SEMA6C: variants seen among roughly 807,000 people sequenced by gnomAD.
The protein encoded by SEMA6C is semaphorin-6C.
In SEMA6C, 37 loss-of-function variants were observed where a neutral mutation model predicts 72.9. The ratio of observed to expected loss-of-function variants is 0.51; its 90% confidence interval spans 0.39 to 0.67. The LOEUF is 0.67. Among genes scored for constraint, SEMA6C ranks in the 30% least tolerant of loss-of-function variants. The pLI is 0.00. For missense variants in SEMA6C, 1,189 were observed against 1,263.6 expected (o/e 0.94, Z 0.89); for synonymous variants, 578 against 554.1 (o/e 1.04, Z -0.61).
Position 151,142,586 on chromosome 1 carries a change from T to C in SEMA6C, c.36A>G (p.Leu12=). 6.2e-7 allele frequency: 1 copy of C among 1,604,484 alleles called. No homozygotes were observed. Among genetic ancestry groups the C allele is most frequent in the Non-Finnish European group, 8.5e-7 (1 of 1,175,118 alleles). Residue 12 remains leucine, a synonymous_variant, in exon 3 of 19, where the codon CTA becomes CTG. Transcript: ENST00000368914. ...GGGGAAGTGAGAGCAGCAGCAGCAG[T>C]AGCAGCAAGGGCATGAAGTGGGGGG... ...PRAPHFMPLL[L]LLLLLSLPHT...
rs751131533 is a variant in SEMA6C at position 151,133,498 on chromosome 1, G to A, written c.1779C>T (p.Pro593=). 31 of 1,528,106 alleles carry A rather than the reference G, an allele frequency of 2.0e-5. No individual in the cohort carries two copies. Among genetic ancestry groups the A allele is most frequent in the Non-Finnish European group, 2.6e-5 (30 of 1,141,134 alleles). 94.7% of individuals were successfully genotyped at this position (1,528,106 alleles called of 1,614,324 possible). A position where few individuals can be genotyped will look rare whatever the true frequency, so the allele number is the denominator to read the frequency against. Residue 593 remains proline, a synonymous_variant, in exon 19 of 19, where the codon CCC becomes CCT. Transcript: ENST00000368914. This position sits in a 1 kb window ranked among gnomAD's most constrained non-coding sequence, Gnocchi z 5.9. ...GGACGGAGCGGGAGGCCGAGGCTGG[G>A]GGCAGGTCCCGGCGCACGCCTGCCG... is the stretch of plus-strand genomic sequence containing the variant. The part of the protein sequence containing the change: ...DSAYGVRRDL[P]PASASRSVPI...
chr1:151,132,445 T>G lies in SEMA6C; in HGVS notation c.*39A>C, dbSNP rs1451708871. On this transcript the variant is annotated 3_prime_UTR_variant, in exon 19 of 19. Coordinates refer to ENST00000368914, the MANE Select transcript of SEMA6C (RefSeq NM_030913.6). ...GCGTCCAGCTCGTGGCCGAGAGGAC[T>G]CGGGCGCTCCCCACGCTGGAGGCCG... The G allele has an allele frequency of 6.5e-7, 1 of 1,534,500 alleles. No homozygotes were observed. Among genetic ancestry groups the G allele is most frequent in the Non-Finnish European group, 8.8e-7 (1 of 1,138,176 alleles).
chr1:151,131,895 C>T lies in SEMA6C; in HGVS notation c.*589G>A, dbSNP rs149084026. ...CTCACCTCGACACCGTTAATTCGCTCGTCTCCTTTAGGAAACCTTTCCAGA... is the reference window on the plus strand; with the variant it reads ...CTCACCTCGACACCGTTAATTCGCTTGTCTCCTTTAGGAAACCTTTCCAGA... On this transcript the variant is annotated 3_prime_UTR_variant, in exon 19 of 19. Coordinates refer to ENST00000368914, the MANE Select transcript of SEMA6C (RefSeq NM_030913.6). 2.7e-3 allele frequency: 516 copies of T among 193,506 alleles called. No homozygotes were observed. Among genetic ancestry groups the T allele is most frequent in the Non-Finnish European group, 4.2e-3 (384 of 91,452 alleles). 12.0% of individuals were successfully genotyped at this position (193,506 alleles called of 1,614,324 possible). A position where few individuals can be genotyped will look rare whatever the true frequency, so the allele number is the denominator to read the frequency against.
chr1:151,138,753 G>A (rs757041136), intron 6 of SEMA6C, 22 bp from the exon 7 acceptor site: 290 of 1,576,380 alleles, frequency 1.8e-4, no homozygotes, highest in Non-Finnish European at 2.5e-4. Context: ...AAAATTCTAG[G>A]TCAGTGACAG....
intron 4 of SEMA6C, 38 bp downstream of exon 4, chr1:151,139,938 T>G (rs368162497): frequency 3.2e-6 from 5 of 1,586,880 alleles, no homozygotes; most frequent in East Asian, 2.2e-5. Flanking sequence ...CCCAGGAGCA[T>G]GCATGTCTGC....
Position 151,137,701 on chromosome 1 carries a change from A to G in SEMA6C, c.756+10T>C. On this transcript the variant is annotated intron_variant, in intron 10 of 18. Coordinates refer to ENST00000368914, the MANE Select transcript of SEMA6C (RefSeq NM_030913.6). ...CCTCCAGCTACCCACCCTGATGCCC[A>G]CCTCCTTACCCTCCCCAGCCGAGCA... 7 of 1,606,322 alleles carry G rather than the reference A, an allele frequency of 4.4e-6. No homozygotes were observed. The highest frequency in any genetic ancestry group is 6.0e-6 in the Non-Finnish European group (7 of 1,174,558).
In SEMA6C at chr1:151,142,608, G is replaced by C; in HGVS notation, c.14C>G (p.Pro5Arg). The C allele has an allele frequency of 1.9e-6, 3 of 1,586,094 alleles. No individual in the cohort carries two copies. Among genetic ancestry groups the C allele is most frequent in the Non-Finnish European group, 1.7e-6 (2 of 1,166,504 alleles). The change falls in exon 3 of 19, where the codon CCC becomes CGC. Residue 5 changes from proline (P) to arginine (R), a missense_variant. Coordinates refer to ENST00000368914, the MANE Select transcript of SEMA6C (RefSeq NM_030913.6). MPRA[P>R]HFMPLLLLLL... ...CAGTAGCAGCAAGGGCATGAAGTGG[G>C]GGGCACGGGGCATCCTGTGCGGGGC...
Position 151,146,045 on chromosome 1 carries a change from G to A in SEMA6C, c.-105+388C>T, listed in dbSNP as rs1682909033. On this transcript the variant is annotated intron_variant, in intron 1 of 18. Coordinates refer to ENST00000368914, the MANE Select transcript of SEMA6C (RefSeq NM_030913.6). This position sits in a 1 kb window ranked among gnomAD's most constrained non-coding sequence, Gnocchi z 4.6. ...TGCGTCCCTCTTCCCATCCCTTCAGGGGCGTCAGGAGGGTCTAGTTCTCCG... is the reference window on the plus strand; with the variant it reads ...TGCGTCCCTCTTCCCATCCCTTCAGAGGCGTCAGGAGGGTCTAGTTCTCCG... 6.6e-6 allele frequency: 1 copy of A among 152,190 alleles called. No homozygotes were observed. Among genetic ancestry groups the A allele is most frequent in the African/African-American group, 2.4e-5 (1 of 41,430 alleles). The allele number at this position is 152,190 out of a possible 1,614,324, so 9.4% of individuals were successfully genotyped here. A position where few individuals can be genotyped will look rare whatever the true frequency, so the allele number is the denominator to read the frequency against.
chr1:151,142,628 C>CGG lies in SEMA6C; in HGVS notation c.-9_-8dup. 1 of 1,548,442 alleles carries CGG rather than the reference C, an allele frequency of 6.5e-7. No individual in the cohort carries two copies. Among genetic ancestry groups the CGG allele is most frequent in the Non-Finnish European group, 8.7e-7 (1 of 1,150,688 alleles). On this transcript the variant is annotated 5_prime_UTR_variant, in exon 3 of 19. Transcript: ENST00000368914. ...AGTGGGGGGCACGGGGCATCCTGTG[C>CGG]GGGGCAGCTCAGGCCCCAGGGGGTG... is the stretch of plus-strand genomic sequence containing the variant.
At chr1:151,140,224 A>G (rs1046119658) in intron 3 of SEMA6C, 134 bp from the exon 4 acceptor site, 12 of 695,796 alleles carry the variant, frequency 1.7e-5, no homozygotes, top group African/African-American at 7.0e-5. Context: ...CTTAATACCA[A>G]TAACACTGAG....
At chr1:151,139,041 C>G (rs1330264864) in intron 6 of SEMA6C, among the ~76,000 whole-genome samples, 1 of 143,252 alleles carries the variant, frequency 7.0e-6, no homozygotes, top group Non-Finnish European at 1.5e-5. Flanking sequence ...TGCAGTGAGC[C>G]AAGATCGTGC....
At position 151,133,623 on chromosome 1, in the gene SEMA6C, C is replaced by A; in HGVS notation, c.1760-106G>T. 7.0e-7 allele frequency: 1 copy of A among 1,428,316 alleles called. No individual in the cohort carries two copies. Among genetic ancestry groups the A allele is most frequent in the Non-Finnish European group, 9.1e-7 (1 of 1,093,926 alleles). 88.5% of individuals were successfully genotyped at this position (1,428,316 alleles called of 1,614,324 possible). On this transcript the variant is annotated intron_variant, in intron 18 of 18. Coordinates refer to ENST00000368914, the MANE Select transcript of SEMA6C (RefSeq NM_030913.6). The surrounding 1 kb of genome is among the most constrained non-coding windows in gnomAD (Gnocchi z 5.9). ...CCAGGCCTGACATCATCGTCCCTCC[C>A]GCTGCTACTCAGCCTCACTCCTACA...
In SEMA6C at chr1:151,133,824, G is replaced by C; in HGVS notation, c.1760-307C>G. 2 of 912,118 alleles carry C rather than the reference G, an allele frequency of 2.2e-6. No individual in the cohort carries two copies. Among genetic ancestry groups the C allele is most frequent in the Non-Finnish European group, 3.3e-6 (2 of 600,848 alleles). The allele number at this position is 912,118 out of a possible 1,614,324, so 56.5% of individuals were successfully genotyped here. On this transcript the variant is annotated intron_variant, in intron 18 of 18. Transcript: ENST00000368914. This position sits in a 1 kb window ranked among gnomAD's most constrained non-coding sequence, Gnocchi z 5.9. The stretch of plus-strand genomic sequence containing the variant: ...CTCGTGCAGGAGAACTCGGGGCTGG[G>C]ATGCCCAATTCTGGGGAAGGGAGGC...
chr1:151,135,793 C>T (rs1681971331), intron 13 of SEMA6C, 29 bp from the exon 14 acceptor site: 4 of 1,610,280 alleles, frequency 2.5e-6, no homozygotes, highest in Non-Finnish European at 3.4e-6. Context: ...GGTCAGGGAA[C>T]CTGTCTAGTG....
rs587609244 is a variant in SEMA6C at position 151,139,370 on chromosome 1, G to C, written c.354+55C>G. 4.8e-6 allele frequency: 7 copies of C among 1,468,618 alleles called. No homozygotes were observed. The African/African-American group carries it at 8.3e-5, about 17-fold the overall frequency. The allele number at this position is 1,468,618 out of a possible 1,614,324, so 91.0% of individuals were successfully genotyped here. On this transcript the variant is annotated intron_variant, in intron 6 of 18. Transcript: ENST00000368914. The stretch of plus-strand genomic sequence containing the variant: ...CATAGTAGAGGACCAGTTGGACAGA[G>C]ACTGGGGGCAGAGTAATCCTCTCCT...
chr1:151,140,150 C>T, intron 3 of SEMA6C, 60 bp from the exon 4 acceptor site: 1 of 1,408,394 alleles, frequency 7.1e-7, no homozygotes, highest in Non-Finnish European at 9.9e-7. Context: ...ACACCCTCTC[C>T]AACCAGATGA....
intron 2 of SEMA6C, among the ~76,000 whole-genome samples, chr1:151,143,394 C>T (rs1486092307): frequency 2.0e-5 from 3 of 152,164 alleles, no homozygotes; most frequent in Non-Finnish European, 2.9e-5. Context: ...GCTGTCTGCC[C>T]GACCACTGTG....
At position 151,132,330 on chromosome 1, in the gene SEMA6C, T is replaced by C. The variant is rs1201198804; in HGVS notation, c.*154A>G. On this transcript the variant is annotated 3_prime_UTR_variant, in exon 19 of 19. Transcript: ENST00000368914. ...GACAGGGGGAAAGACAGTCAATAAA[T>C]AAACCCGAGGCGAAAAGGGGCCTCG... 85 of 1,541,544 alleles carry C rather than the reference T, an allele frequency of 5.5e-5. No individual in the cohort carries two copies. The highest frequency in any genetic ancestry group is 7.2e-5 in the Non-Finnish European group (82 of 1,145,254).
Position 151,145,295 on chromosome 1 carries a change from G to C in SEMA6C, c.-104-861C>G, listed in dbSNP as rs1173264141. 1.3e-5 allele frequency: 2 copies of C among 152,384 alleles called. No homozygotes were observed. Among genetic ancestry groups the C allele is most frequent in the Non-Finnish European group, 2.9e-5 (2 of 68,172 alleles). The allele number at this position is 152,384 out of a possible 1,614,324, so 9.4% of individuals were successfully genotyped here. A position where few individuals can be genotyped will look rare whatever the true frequency, so the allele number is the denominator to read the frequency against. On this transcript the variant is annotated intron_variant, in intron 1 of 18. Transcript: ENST00000368914. The surrounding 1 kb of genome is among the most constrained non-coding windows in gnomAD (Gnocchi z 4.4). ...CAGAGTCTAGGAGAGCTGTGGAAGG[G>C]ATGGAGAAGGGGAGACTGGGCTGGG...
Sources: gnomAD v4.1 joint callset for allele counts (sites outside exome capture counted in the v4.1 genomes callset) on GRCh38, gnomAD v4.1.1 for gene constraint, Gnocchi (gnomAD v3.1) non-coding constraint, MANE v1.5 for transcripts, NCBI Gene and HGNC (gene_info 2026-07-23, HGNC 2026-07-21) for gene names.